VWA5A: variants seen among roughly 807,000 people sequenced by gnomAD.
VWA5A encodes the protein von Willebrand factor A domain-containing protein 5A.
VWA5A carries 77 observed loss-of-function variants against 84.6 expected under a neutral mutation model. The ratio of observed to expected loss-of-function variants is 0.91; its 90% CI spans 0.76 to 1.10. VWA5A has a LOEUF of 1.10. Ranked by LOEUF, VWA5A falls within the 50% of genes least tolerant of loss-of-function variation. VWA5A has a pLI of 0.00. For missense variants in VWA5A, 973 were observed against 963.0 expected, an observed-to-expected ratio of 1.01 and a Z score of -0.14; for synonymous variants, 334 against 350.1, an observed-to-expected ratio of 0.95 and a Z score of 0.51.
intron 7 of VWA5A, 77 bp downstream of exon 7, chr11:124,119,166 T>G: frequency 2.3e-6 from 3 of 1,316,024 alleles, no homozygotes; most frequent in Non-Finnish European, 2.1e-6. Context: ...ATTACTCTCT[T>G]TTCTTTCCTT....
At position 124,118,516 on chromosome 11, in the gene VWA5A, A is replaced by G. The variant is rs375820625; in HGVS notation, c.470-17A>G. 6 of 1,613,490 alleles carry G rather than the reference A, an allele frequency of 3.7e-6. No individual in the cohort carries two copies. In the East Asian group the frequency reaches 1.3e-4, roughly 36 times the overall value. ...AAGTGTTGGCAAGGAAAACAGAACT[A>G]AGGTCATCTTTTATAGGGTCGTCTA... is the stretch of plus-strand genomic sequence containing the variant. On this transcript the variant is annotated splice_polypyrimidine_tract_variant and intron_variant, in intron 5 of 18. Transcript: ENST00000456829.
chr11:124,126,674 G>T (rs1026616159), intron 11 of VWA5A, among the ~76,000 whole-genome samples: 2 of 151,912 alleles, frequency 1.3e-5, no homozygotes, highest in Admixed American at 1.3e-4. Flanking sequence ...CAGGAGAATT[G>T]CTTGAACCCA....
In VWA5A at chr11:124,118,193, G is replaced by T. The variant is rs550858587; in HGVS notation, c.251G>T (p.Arg84Leu). Residue 84 changes from arginine to leucine, a missense_variant, in exon 5 of 19, where the codon CGC becomes CTC. Physicochemically the swap from Arg to Leu is moderately radical, Grantham distance 102 (BLOSUM62 -2). Coordinates refer to ENST00000456829, the MANE Select transcript of VWA5A (RefSeq NM_001130142.2). ...CCCTCGCCCTGTGCTTCTCAGGCCC[G>T]CACCAACTATGAGAAAGCCATCTCC... Reference protein sequence around the residue: ...VAELQDKMKARTNYEKAISQG... With the variant: ...VAELQDKMKALTNYEKAISQG... The T allele has an allele frequency of 9.3e-6, 15 of 1,613,670 alleles. No individual in the cohort carries two copies. The South Asian group carries it at 9.9e-5, about 11-fold the overall frequency.
At chr11:124,133,192 G>T (rs36019128) in intron 11 of VWA5A, among the ~76,000 whole-genome samples, 14,899 of 152,196 alleles carry the variant, frequency 0.098, 758 homozygotes, top group South Asian at 0.16. Context: ...AATCCAGTCA[G>T]GGTCTGATGA....
chr11:124,135,323 C>T (rs1243817356), intron 12 of VWA5A, among the ~76,000 whole-genome samples: 2 of 152,136 alleles, frequency 1.3e-5, no homozygotes, highest in African/African-American at 2.4e-5. Flanking sequence ...CACAGACAAA[C>T]TAAGAGCTTT....
At chr11:124,135,397 C>T (rs1327587010) in intron 12 of VWA5A, among the ~76,000 whole-genome samples, 2 of 152,066 alleles carry the variant, frequency 1.3e-5, no homozygotes, top group African/African-American at 4.8e-5. Flanking sequence ...ATGCATCCTC[C>T]ATGCAAAAGA....
chr11:124,145,805 G>T (rs2137671173), intron 18 of VWA5A, 61 bp from the exon 19 acceptor site: 1 of 1,502,820 alleles, frequency 6.7e-7, no homozygotes, highest in East Asian at 2.5e-5. Flanking sequence ...TGATCTGGGA[G>T]GTTTGGAGGA....
intron 15 of VWA5A, among the ~76,000 whole-genome samples, chr11:124,140,459 G>C (rs1369636462): frequency 6.7e-6 from 1 of 148,458 alleles, no homozygotes; most frequent in Non-Finnish European, 1.5e-5. Flanking sequence ...TTTAAAACTA[G>C]GAATTTTTAA....
intron 15 of VWA5A, among the ~76,000 whole-genome samples, chr11:124,137,636 G>A (rs1375699626): frequency 1.3e-5 from 2 of 152,234 alleles, no homozygotes; most frequent in South Asian, 4.2e-4. Context: ...GTTTTAGTAT[G>A]TTCACAGAGT....
At chr11:124,117,631 T>C (rs1190708851) in intron 3 of VWA5A, 42 bp from the exon 4 acceptor site, 2 of 1,613,982 alleles carry the variant, frequency 1.2e-6, no homozygotes, top group Admixed American at 1.7e-5. Context: ...AAGGAGGCAA[T>C]CTATTGAAGC....
At chr11:124,127,024 T>C (rs1865027846) in intron 11 of VWA5A, among the ~76,000 whole-genome samples, 1 of 152,204 alleles carries the variant, frequency 6.6e-6, no homozygotes, top group South Asian at 2.1e-4. Context: ...TGTCAATTTT[T>C]CATTATGTTC....
At chr11:124,125,502 C>G (rs1349649095) in intron 11 of VWA5A, among the ~76,000 whole-genome samples, 2 of 152,148 alleles carry the variant, frequency 1.3e-5, no homozygotes, top group African/African-American at 4.8e-5. Context: ...CCAGGATGGT[C>G]TCGATCTCCT....
chr11:124,135,773 G>T (rs969957186), intron 12 of VWA5A, among the ~76,000 whole-genome samples: 4 of 151,488 alleles, frequency 2.6e-5, no homozygotes, highest in Non-Finnish European at 4.4e-5. Context: ...CTCGTGATCC[G>T]CCCGCCTCGG....
chr11:124,132,032 C>G (rs1259789813), intron 11 of VWA5A, among the ~76,000 whole-genome samples: 1 of 151,680 alleles, frequency 6.6e-6, no homozygotes, highest in Non-Finnish European at 1.5e-5. Context: ...TCTCTCTTTT[C>G]TTTCTTTTGT....
At position 124,133,952 on chromosome 11, in the gene VWA5A, G is replaced by A. The variant is rs112384408; in HGVS notation, c.1245-968G>A. The stretch of plus-strand genomic sequence containing the variant: ...TAGAGACCGGGTCTGTCACTTTGTT[G>A]CCTAGGCTGCTCTTGAACTCCTGGC... On this transcript the variant is annotated intron_variant, in intron 11 of 18. Coordinates refer to ENST00000456829, the MANE Select transcript of VWA5A (RefSeq NM_001130142.2). Among the ~76,000 whole-genome samples the A allele has an allele frequency of 5.9e-3, 895 of 152,226 alleles. 16 individuals are homozygous for A. Among genetic ancestry groups the A allele is most frequent in the African/African-American group, 0.02 (846 of 41,522 alleles).
At chr11:124,136,898 C>T in intron 14 of VWA5A, 117 bp from the exon 15 acceptor site, 1 of 1,396,630 alleles carries the variant, frequency 7.2e-7, no homozygotes, top group Non-Finnish European at 9.6e-7. Context: ...CAAGTCTTCT[C>T]TCTCCCCTTA....
Position 124,118,633 on chromosome 11 carries a change from T to C in VWA5A, c.570T>C (p.His190=). The C allele has an allele frequency of 6.2e-7, 1 of 1,614,156 alleles. No individual in the cohort carries two copies. The highest frequency in any genetic ancestry group is 1.1e-5 in the South Asian group (1 of 91,080). ...TGGTCGCCACCATAGATTCCCAGCA[T>C]GGCATTGAGAAGGTCCAATCCAACT... is the stretch of plus-strand genomic sequence containing the variant. ...LSMVATIDSQ[H]GIEKVQSNCP... is the part of the protein sequence containing the mutation. Residue 190 remains histidine, a synonymous_variant, in exon 6 of 19, where the codon CAT becomes CAC. Transcript: ENST00000456829.
At position 124,118,651 on chromosome 11, in the gene VWA5A, A is replaced by G. The variant is rs1403205809; in HGVS notation, c.588A>G (p.Gln196=). 2.5e-6 allele frequency: 4 copies of G among 1,614,132 alleles called. No homozygotes were observed. Among genetic ancestry groups the G allele is most frequent in the Non-Finnish European group, 2.5e-6 (3 of 1,180,010 alleles). ...CCCAGCATGGCATTGAGAAGGTCCA[A>G]TCCAACTGCCCCTTGAGTCCTACCG... ...IDSQHGIEKV[Q]SNCPLSPTEY... Residue 196 remains glutamine (Q), a synonymous_variant, in exon 6 of 19, where the codon CAA becomes CAG. Coordinates refer to ENST00000456829, the MANE Select transcript of VWA5A (RefSeq NM_001130142.2).
chr11:124,119,211 A>G (rs1864893057), intron 7 of VWA5A, 122 bp downstream of exon 7: 3 of 887,846 alleles, frequency 3.4e-6, no homozygotes, highest in South Asian at 3.3e-5. Flanking sequence ...TGAAACACTG[A>G]AATAGTTTAC....
Sources: gnomAD v4.1 joint callset for allele counts (sites outside exome capture counted in the v4.1 genomes callset) on GRCh38, gnomAD v4.1.1 for gene constraint, MANE v1.5 for transcripts, NCBI Gene and HGNC (gene_info 2026-07-23, HGNC 2026-07-21) for gene names.